Variants in CFAP61 observed in about 807,000 individuals in gnomAD.
CFAP61 encodes cilia and flagella associated protein 61, also known as cilia- and flagella-associated protein 61.
CFAP61 carries 107 observed loss-of-function variants against 135.6 expected under a neutral mutation model. The ratio of observed to expected loss-of-function variants is 0.79; its 90% CI spans 0.67 to 0.93. The LOEUF is 0.93. Among genes scored for constraint, CFAP61 ranks in the 40% least tolerant of loss-of-function variants. The pLI is 0.00. For missense variants in CFAP61, 1,507 were observed against 1,556.2 expected (o/e 0.97, Z 0.53); for synonymous variants, 575 against 578.5 (o/e 0.99, Z 0.09).
chr20:20,277,046 C>A lies in CFAP61; in HGVS notation c.2504-120C>A, dbSNP rs558088092. ...TGGTCGCCGTTGCTAGGTAACACCG[C>A]TGGCTTCCTGCAGCTGAAAAATGAG... On this transcript the variant is annotated intron_variant, in intron 21 of 26. Coordinates refer to ENST00000245957, the MANE Select transcript of CFAP61 (RefSeq NM_015585.4). The A allele has an allele frequency of 3.2e-4, 238 of 742,954 alleles. No homozygotes were observed. The African/African-American group carries it at 4.0e-3, about 12-fold the overall frequency. 46.0% of individuals were successfully genotyped at this position (742,954 alleles called of 1,614,324 possible).
chr20:20,151,966 C>T (rs141636056), intron 9 of CFAP61, among the ~76,000 whole-genome samples: 229 of 151,874 alleles, frequency 1.5e-3, no homozygotes, highest in African/African-American at 4.5e-3. Flanking sequence ...ACCTGTAAGG[C>T]GGAAACATCA....
intron 15 of CFAP61, among the ~76,000 whole-genome samples, chr20:20,191,797 T>G (rs2055942566): frequency 6.6e-6 from 1 of 152,018 alleles, no homozygotes. Context: ...CGTGTGTGTG[T>G]GTGTGTCAAA....
intron 18 of CFAP61, among the ~76,000 whole-genome samples, chr20:20,242,028 C>T (rs931981662): frequency 2.0e-5 from 3 of 152,102 alleles, no homozygotes; most frequent in African/African-American, 7.2e-5. Context: ...AGAGCAAAAC[C>T]TCTCATAATA....
chr20:20,109,488 G>T (rs971480092), intron 8 of CFAP61, among the ~76,000 whole-genome samples: 14 of 152,044 alleles, frequency 9.2e-5, no homozygotes, highest in South Asian at 2.1e-4. Context: ...GCTTGAGCTG[G>T]TGTCAGCCTC....
chr20:20,322,692 C>T (rs983486300), intron 25 of CFAP61: 34 of 985,304 alleles, frequency 3.5e-5, no homozygotes, highest in Middle Eastern at 5.2e-4. Context: ...GAAATGGGAA[C>T]TACCCTCAGA....
At position 20,288,748 on chromosome 20, in the gene CFAP61, C is replaced by A; in HGVS notation, c.2936C>A (p.Ser979Tyr). The change falls in exon 23 of 27, where the codon TCC becomes TAC. Residue 979 changes from serine (S) to tyrosine (Y), a missense_variant. Transcript: ENST00000245957. ...TNDIAIRAAG[S>Y]LTKFSNRYYS... ...GACATAGCCATCAGAGCTGCTGGCT[C>A]CCTCACCAAATTCTCCAATAGATAC... 6.2e-7 allele frequency: 1 copy of A among 1,614,110 alleles called. No individual in the cohort carries two copies. The highest frequency in any genetic ancestry group is 2.2e-5 in the East Asian group (1 of 44,884).
At chr20:20,294,952 T>C (rs1339048777) in intron 24 of CFAP61, among the ~76,000 whole-genome samples, 2 of 141,440 alleles carry the variant, frequency 1.4e-5, no homozygotes, top group East Asian at 4.0e-4. Context: ...ATAATAATAA[T>C]AATAATAATA....
intron 18 of CFAP61, among the ~76,000 whole-genome samples, chr20:20,234,163 C>T (rs2049390249): frequency 6.6e-6 from 1 of 152,140 alleles, no homozygotes; most frequent in African/African-American, 2.4e-5. Flanking sequence ...GAGAGCAGGG[C>T]CGTGTGACAG....
chr20:20,194,446 C>G (rs1260999067), intron 15 of CFAP61, among the ~76,000 whole-genome samples: 2 of 152,186 alleles, frequency 1.3e-5, no homozygotes, highest in East Asian at 3.8e-4. Context: ...TTTTTGATCT[C>G]TCTGAGTATA....
intron 17 of CFAP61, among the ~76,000 whole-genome samples, chr20:20,212,812 T>C (rs1461126797): frequency 6.6e-6 from 1 of 152,184 alleles, no homozygotes; most frequent in Non-Finnish European, 1.5e-5. Context: ...TTGATGTCAT[T>C]CATTCAGTCA....
intron 18 of CFAP61, among the ~76,000 whole-genome samples, chr20:20,245,522 A>G (rs563009793): frequency 6.6e-6 from 1 of 152,316 alleles, no homozygotes; most frequent in African/African-American, 2.4e-5. Flanking sequence ...TGATTCGGTT[A>G]CCTCTCACCA....
intron 25 of CFAP61, chr20:20,322,780 T>A: frequency 1.0e-6 from 1 of 985,270 alleles, no homozygotes; most frequent in Non-Finnish European, 1.2e-6. Context: ...TAGCAACCTG[T>A]GAATGCTGTT....
At chr20:20,121,670 T>G (rs2049644324) in intron 8 of CFAP61, among the ~76,000 whole-genome samples, 1 of 152,066 alleles carries the variant, frequency 6.6e-6, no homozygotes, top group African/African-American at 2.4e-5. Flanking sequence ...AATTTTTGTA[T>G]TTTAGTTGAG....
Position 20,131,155 on chromosome 20 carries a change from T to G in CFAP61, c.860-11702T>G, listed in dbSNP as rs2050496053. The stretch of plus-strand genomic sequence containing the variant: ...TACACTTCTCTGTGGCTCTAGGAAC[T>G]GTCTCTTTCTCATATTTGAGTTCTG... On this transcript the variant is annotated intron_variant, in intron 8 of 26. Transcript: ENST00000245957. Among the ~76,000 whole-genome samples the G allele has an allele frequency of 2.0e-5, 3 of 151,922 alleles. No individual in the cohort carries two copies. In the South Asian group the frequency reaches 6.2e-4, roughly 31 times the overall value.
At position 20,142,862 on chromosome 20, in the gene CFAP61, G is replaced by A. The variant is rs754130374; in HGVS notation, c.865G>A (p.Glu289Lys). The stretch of plus-strand genomic sequence containing the variant: ...TTCTATCCCTTCTCTCAAAGATGCT[G>A]AGCTCAGGAGTAGCAGCCAAGGTTC... Reference protein sequence around the residue: ...DLSVRRSQDAELRSSSQGSQK... With the variant: ...DLSVRRSQDAKLRSSSQGSQK... The change falls in exon 9 of 27, where the codon GAG (glutamate) becomes AAG (lysine). Residue 289 changes from glutamate (E) to lysine (K), a missense_variant. Glu to Lys is a moderately conservative substitution (Grantham distance 56). Transcript: ENST00000245957. The A allele has an allele frequency of 7.5e-6, 12 of 1,593,178 alleles. No individual in the cohort carries two copies. In the African/African-American group the frequency reaches 1.5e-4, roughly 20 times the overall value.
chr20:20,258,676 G>C (rs763369490), intron 20 of CFAP61: 1 of 152,166 alleles, frequency 6.6e-6, no homozygotes, highest in African/African-American at 2.4e-5. Flanking sequence ...ACAGCTTTCC[G>C]ATAGAGTGAA....
intron 6 of CFAP61, 81 bp from the exon 7 acceptor site, chr20:20,090,763 G>T: frequency 2.1e-6 from 3 of 1,448,534 alleles, no homozygotes; most frequent in Non-Finnish European, 2.9e-6. Context: ...ACTTAGAACA[G>T]GGTCTGGCAC....
chr20:20,160,673 T>C (rs2207095), intron 10 of CFAP61, among the ~76,000 whole-genome samples: 137,302 of 152,256 alleles, frequency 0.9, 62,727 homozygotes, highest in Middle Eastern at 0.99. Flanking sequence ...AAGCACGATG[T>C]AGGCACAGGG....
intron 8 of CFAP61, among the ~76,000 whole-genome samples, chr20:20,138,104 T>C (rs2051079479): frequency 6.6e-6 from 1 of 152,082 alleles, no homozygotes; most frequent in Admixed American, 6.5e-5. Flanking sequence ...CCTATCCAAC[T>C]GTGGCTGAGC....
Sources: allele counts gnomAD v4.1 joint callset (sites outside exome capture counted in the v4.1 genomes callset), GRCh38; gene constraint gnomAD v4.1.1; transcripts MANE v1.5; gene names NCBI Gene and HGNC (gene_info 2026-07-23, HGNC 2026-07-21).